The following DLGAP4 variants were observed in gnomAD, a reference collection of about 807,000 sequenced individuals.
DLGAP4 encodes disks large-associated protein 4.
A neutral mutation model predicts 86.9 loss-of-function variants in DLGAP4; 18 were observed. The ratio of observed to expected loss-of-function variants is 0.21; its 90% CI spans 0.14 to 0.31. The LOEUF (loss-of-function observed/expected upper bound fraction) is 0.31. DLGAP4 is among the 10% of genes least tolerant of loss of function. DLGAP4 has a pLI of 1.00. For missense variants in DLGAP4, 1,085 were observed against 1,362.6 expected, an observed-to-expected ratio of 0.80 and a Z score of 3.21; for synonymous variants, 548 against 574.3, an observed-to-expected ratio of 0.95 and a Z score of 0.65.
chr20:36,322,431 G>T (rs2065177977), intron 1 of DLGAP4, among the ~76,000 whole-genome samples: 1 of 152,172 alleles, frequency 6.6e-6, no homozygotes, highest in Admixed American at 6.5e-5. Flanking sequence ...TGCAAATCCA[G>T]CTCTGCTGCT....
At chr20:36,441,048 A>C (rs1444231546) in intron 5 of DLGAP4, among the ~76,000 whole-genome samples, 1 of 151,478 alleles carries the variant, frequency 6.6e-6, no homozygotes, top group Admixed American at 6.6e-5. Context: ...TCCAGACTCC[A>C]CCAAGTCACA....
At chr20:36,515,613 T>C (rs1010026830) in intron 10 of DLGAP4, among the ~76,000 whole-genome samples, 1 of 152,240 alleles carries the variant, frequency 6.6e-6, no homozygotes, top group Non-Finnish European at 1.5e-5. Flanking sequence ...TAAATAGAGA[T>C]GGTCTCTCAC....
chr20:36,341,337 A>G (rs905461574), intron 1 of DLGAP4, among the ~76,000 whole-genome samples: 18 of 152,106 alleles, frequency 1.2e-4, no homozygotes, highest in African/African-American at 4.3e-4. Context: ...CATGACTTAC[A>G]ATTGTTTTGC....
intron 7 of DLGAP4, among the ~76,000 whole-genome samples, chr20:36,460,781 A>C (rs1027155704): frequency 1.3e-5 from 2 of 152,228 alleles, no homozygotes; most frequent in Admixed American, 6.5e-5. Flanking sequence ...CGAGCTGGTC[A>C]CTTTGCCCTC....
At chr20:36,476,344 T>TTG (rs1491249009) in intron 7 of DLGAP4, among the ~76,000 whole-genome samples, 5 of 140,350 alleles carry the variant, frequency 3.6e-5, no homozygotes, top group Admixed American at 7.0e-5. Flanking sequence ...TTTTTTTTTT[T>TTG]GGAGACACAG....
chr20:36,351,053 C>T (rs1555893422), intron 1 of DLGAP4, among the ~76,000 whole-genome samples: 1 of 152,268 alleles, frequency 6.6e-6, no homozygotes, highest in Admixed American at 6.5e-5. Flanking sequence ...GACTTCACCT[C>T]TCACAACTTC....
intron 2 of DLGAP4, among the ~76,000 whole-genome samples, chr20:36,388,391 G>A (rs2031672774): frequency 6.6e-6 from 1 of 152,148 alleles, no homozygotes; most frequent in African/African-American, 2.4e-5. Context: ...GCCTCCCTGT[G>A]TCCCACTTCC....
intron 10 of DLGAP4, among the ~76,000 whole-genome samples, chr20:36,520,225 AT>A (rs2037292965): frequency 1.3e-5 from 2 of 152,134 alleles, no homozygotes; most frequent in Non-Finnish European, 2.9e-5. Context: ...AACTGGGTTT[AT>A]CTTTTTGTTG....
chr20:36,381,206 T>C (rs552820571), intron 2 of DLGAP4, among the ~76,000 whole-genome samples: 23 of 152,328 alleles, frequency 1.5e-4, no homozygotes, highest in Middle Eastern at 6.8e-3. Context: ...TATTGTGTTT[T>C]GGGCACTGAA....
intron 7 of DLGAP4, among the ~76,000 whole-genome samples, chr20:36,489,368 A>G (rs1348439185): frequency 1.3e-5 from 2 of 152,194 alleles, no homozygotes; most frequent in Non-Finnish European, 2.9e-5. Context: ...ATCATTACCG[A>G]AGGGAGTGCA....
intron 2 of DLGAP4, among the ~76,000 whole-genome samples, chr20:36,416,576 A>T (rs1028061094): frequency 2.6e-5 from 4 of 152,216 alleles, no homozygotes; most frequent in Admixed American, 2.6e-4. Flanking sequence ...TCTGGCTCAG[A>T]GGGACACTTA....
rs2033126320 is a variant in DLGAP4, at chr20:36,431,416, C to G, written c.-72-230C>G. 1.3e-5 allele frequency among the ~76,000 whole-genome samples: 2 copies of G among 152,124 alleles called. No individual in the cohort carries two copies. The highest frequency in any genetic ancestry group is 4.8e-5 in the African/African-American group (2 of 41,410). ...TTGTTTTAAAGATACAGTCCTCAAG[C>G]TAGAAGAATGGAAGATGTTGTGCTT... is the stretch of plus-strand genomic sequence containing the variant. On this transcript the variant is annotated intron_variant, in intron 2 of 12. Coordinates refer to ENST00000339266, the MANE Select transcript of DLGAP4 (RefSeq NM_001365621.2). The surrounding 1 kb of genome is among the most constrained non-coding windows in gnomAD (Gnocchi z 5.1).
chr20:36,518,238 A>C (rs920935734), intron 10 of DLGAP4, among the ~76,000 whole-genome samples: 4 of 152,130 alleles, frequency 2.6e-5, no homozygotes, highest in African/African-American at 4.8e-5. Context: ...AAAAAAAAAA[A>C]ACCAGGATTT....
At chr20:36,443,753 C>T (rs550101169) in intron 6 of DLGAP4, among the ~76,000 whole-genome samples, 5 of 152,242 alleles carry the variant, frequency 3.3e-5, no homozygotes, top group South Asian at 2.1e-4. Context: ...GCCTCCCCAC[C>T]GACAGCTCAA....
chr20:36,431,742 C>A lies in DLGAP4; in HGVS notation c.25C>A (p.Pro9Thr). The A allele has an allele frequency of 6.2e-7, 1 of 1,602,346 alleles. No individual in the cohort carries two copies. MKGLGDSRPRHLSDSLDPP... is the reference protein window; with the variant it reads MKGLGDSRTRHLSDSLDPP... ...CATGAAAGGCCTCGGTGACAGCCGC[C>A]CCCGCCACCTCTCCGACAGCCTAGA... Residue 9 changes from proline (P) to threonine (T), a missense_variant, in exon 3 of 13, where the codon CCC becomes ACC. Physicochemically the swap from Pro to Thr is conservative, Grantham distance 38 (BLOSUM62 -1). Around this residue, in one of 2 missense-constraint regions of DLGAP4, gnomAD observed 1,082 missense variants for 1,344.1 expected, o/e 0.81. Coordinates refer to ENST00000339266, the MANE Select transcript of DLGAP4 (RefSeq NM_001365621.2). The surrounding 1 kb of genome is among the most constrained non-coding windows in gnomAD (Gnocchi z 5.1).
Position 36,496,783 on chromosome 20 carries a change from T to C in DLGAP4, c.1727T>C (p.Val576Ala). 1 of 1,614,110 alleles carries C rather than the reference T, an allele frequency of 6.2e-7. No homozygotes were observed. The highest frequency in any genetic ancestry group is 8.5e-7 in the Non-Finnish European group (1 of 1,179,974). The change falls in exon 8 of 13, where the codon GTC becomes GCC. Residue 576 changes from valine to alanine, a missense_variant. Around this residue, in one of 2 missense-constraint regions of DLGAP4, gnomAD observed 1,082 missense variants for 1,344.1 expected, o/e 0.81. Coordinates refer to ENST00000339266, the MANE Select transcript of DLGAP4 (RefSeq NM_001365621.2). ...ACCACTTCAAAGCCGTTCATCTCAG[T>C]CACAGTCCAGAGCAGTACTGAGTCT... Reference protein sequence around the residue: ...PRTTSKPFISVTVQSSTESAQ... With the variant: ...PRTTSKPFISATVQSSTESAQ...
chr20:36,476,703 TGG>T (rs377106434), intron 7 of DLGAP4, among the ~76,000 whole-genome samples: 353 of 111,254 alleles, frequency 3.2e-3, no homozygotes, highest in African/African-American at 0.013. Flanking sequence ...TTTTTTTTTT[TGG>T]TTTTTTTTTT....
chr20:36,312,390 C>CACACAT (rs1555889915), intron 1 of DLGAP4, among the ~76,000 whole-genome samples: 10 of 151,974 alleles, frequency 6.6e-5, no homozygotes, highest in South Asian at 2.1e-4. Context: ...CACACACACA[C>CACACAT]ACACACACAC....
At chr20:36,307,622 G>A (rs142179524) in intron 1 of DLGAP4, among the ~76,000 whole-genome samples, 67 of 152,324 alleles carry the variant, frequency 4.4e-4, no homozygotes, top group Admixed American at 4.2e-3. Flanking sequence ...GGAGGGCAGC[G>A]CTGATGGGGA....
Sources: gnomAD v4.1 joint callset for allele counts (sites outside exome capture counted in the v4.1 genomes callset) on GRCh38, gnomAD v4.1.1 for gene constraint, gnomAD v4.1.1 regional missense constraint, Gnocchi (gnomAD v3.1) non-coding constraint, MANE v1.5 for transcripts, NCBI Gene and HGNC (gene_info 2026-07-23, HGNC 2026-07-21) for gene names.